Variants in NAPRT observed in about 807,000 individuals in gnomAD.
NAPRT encodes the protein nicotinate phosphoribosyltransferase.
NAPRT carries 66 observed loss-of-function variants against 60.7 expected under a neutral mutation model. The observed-to-expected ratio is 1.09, with a 90% CI of 0.89 to 1.33. The LOEUF is 1.33. NAPRT is among the 40% of genes most tolerant of loss of function. NAPRT has a pLI of 0.00. For synonymous variants in NAPRT, 405 were observed against 335.7 expected, an observed-to-expected ratio of 1.21 and a Z score of -2.26; for missense variants, 818 against 731.5, an observed-to-expected ratio of 1.12 and a Z score of -1.36.
rs1563930669 is a variant in NAPRT, at chr8:143,575,754, GGGTGGCACTGCCCTGGGTGGGGAAGGA to G, written c.1108-79_1108-53del. ...GCCCAGCTGCCCTGGGTGGGGAAGG[GGGTGGCACTGCCCTGGGTGGGGAAGGA>G]GGTGGCACTGCCCTGGGTGGGGAAG... On this transcript the variant is annotated intron_variant, in intron 8 of 12. Transcript: ENST00000449291. 1.0e-4 allele frequency: 135 copies of G among 1,295,430 alleles called. 1 individual carries two copies. The highest frequency in any genetic ancestry group is 8.9e-4 in the African/African-American group (59 of 66,064). 80.2% of individuals were successfully genotyped at this position (1,295,430 alleles called of 1,614,324 possible).
chr8:143,575,516 C>A lies in NAPRT; in HGVS notation c.1198G>T (p.Val400Leu). ...SLGGVYKLVA[V>L]GGQPRMKLTE... ...AGCTTCATTCGTGGCTGGCCCCCCA[C>A]GGCCACCAGCTGCAGGAAGAGGGCG... The change falls in exon 10 of 13, where the codon GTG becomes TTG. Residue 400 changes from valine to leucine, a missense_variant. Val to Leu is a conservative substitution (Grantham distance 32). Coordinates refer to ENST00000449291, the MANE Select transcript of NAPRT (RefSeq NM_145201.6). 3.1e-6 allele frequency: 5 copies of A among 1,598,002 alleles called. No homozygotes were observed. Among genetic ancestry groups the A allele is most frequent in the South Asian group, 1.1e-5 (1 of 90,790 alleles).
chr8:143,576,366 C>T (rs1824454437), intron 7 of NAPRT, 66 bp downstream of exon 7: 1 of 1,546,360 alleles, frequency 6.5e-7, no homozygotes. Context: ...CCTCACTGTC[C>T]TTCCCTGCCC....
At chr8:143,572,896 T>A, downstream of NAPRT, 1 of 686,040 alleles carries the variant, frequency 1.5e-6, no homozygotes, top group Non-Finnish European at 2.2e-6. Flanking sequence ...CCCTCCTGCC[T>A]GGGCTGCTGG....
In NAPRT at chr8:143,576,129, G is replaced by C; in HGVS notation, c.1056C>G (p.Ile352Met). 1 of 1,606,832 alleles carries C rather than the reference G, an allele frequency of 6.2e-7. No homozygotes were observed. The highest frequency in any genetic ancestry group is 8.5e-7 in the Non-Finnish European group (1 of 1,175,578). The change falls in exon 8 of 13, where the codon ATC (isoleucine) becomes ATG (methionine). Residue 352 changes from isoleucine to methionine, a missense_variant. Physicochemically the swap from Ile to Met is conservative, Grantham distance 10. Coordinates refer to ENST00000449291, the MANE Select transcript of NAPRT (RefSeq NM_145201.6). ...CCTCGTCAATGTTGTTGCTGACTAC[G>C]ATGAGGACTGACTCCAGCCAGGGCA... Reference protein sequence around the residue: ...FQVPWLESVLIVVSNNIDEEA... With the variant: ...FQVPWLESVLMVVSNNIDEEA...
Position 143,575,179 on chromosome 8 carries a change from T to C in NAPRT, c.1446+12A>G. On this transcript the variant is annotated intron_variant, in intron 11 of 12. Coordinates refer to ENST00000449291, the MANE Select transcript of NAPRT (RefSeq NM_145201.6). ...GGGCTGGGGGTCAGGATGAGGGCGG[T>C]GGGGCAGCCACCTGTCCCTGCTGGA... 1 of 1,601,390 alleles carries C rather than the reference T, an allele frequency of 6.2e-7. No homozygotes were observed. The highest frequency in any genetic ancestry group is 8.5e-7 in the Non-Finnish European group (1 of 1,174,500).
Position 143,578,262 on chromosome 8 carries a change from G to T in NAPRT, c.57C>A (p.Asp19Glu). Residue 19 changes from aspartate to glutamate, a missense_variant, in exon 1 of 13, where the codon GAC (aspartate) becomes GAA (glutamate). By Grantham distance (45) the Asp-to-Glu change is conservative. Coordinates refer to ENST00000449291, the MANE Select transcript of NAPRT (RefSeq NM_145201.6). ...ARAAARPLLT[D>E]LYQATMALGY... Reference sequence around the variant, plus strand: ...CCAACGCCATGGTGGCCTGGTAGAGGTCAGTGAGCAGCGGCCGCGCCGCCG... The same window carrying T: ...CCAACGCCATGGTGGCCTGGTAGAGTTCAGTGAGCAGCGGCCGCGCCGCCG... 1 of 1,444,880 alleles carries T rather than the reference G, an allele frequency of 6.9e-7. No individual in the cohort carries two copies. The highest frequency in any genetic ancestry group is 9.0e-7 in the Non-Finnish European group (1 of 1,105,354). The allele number at this position is 1,444,880 out of a possible 1,614,324, so 89.5% of individuals were successfully genotyped here.
downstream of NAPRT, chr8:143,574,764 CACAA>C (rs1325645062): frequency 4.6e-6 from 7 of 1,536,000 alleles, no homozygotes; most frequent in African/African-American, 2.7e-5. Context: ...GAACAAACGA[CACAA>C]ACAACACAGG....
chr8:143,577,713 C>T lies in NAPRT; in HGVS notation c.381G>A (p.Pro127=), dbSNP rs1169264066. The change falls in exon 3 of 13, where the codon CCG becomes CCA. Residue 127 remains proline (P), a synonymous_variant. Coordinates refer to ENST00000449291, the MANE Select transcript of NAPRT (RefSeq NM_145201.6). ...PGVPLLQVSG[P]LLVVQLLETP... ...TCTCCAGCAGCTGCACCACCAGGAG[C>T]GGCCCGGACACCTGCAGGAGCGGCA... The T allele has an allele frequency of 1.3e-6, 2 of 1,545,828 alleles. No homozygotes were observed.
At position 143,574,854 on chromosome 8, in the gene NAPRT, G is replaced by C; in HGVS notation, c.1601C>G (p.Ala534Gly). 1 of 1,550,630 alleles carries C rather than the reference G, an allele frequency of 6.4e-7. No homozygotes were observed. The change falls in exon 13 of 13, where the codon GCG becomes GGG. Residue 534 changes from alanine (A) to glycine (G), a missense_variant. By Grantham distance (60) the Ala-to-Gly change is moderately conservative. Transcript: ENST00000449291. ...CTCCGAGTCTCAGGGGGACTGCCCC[G>C]CACACAGACTGTTCACCAGGGCCTG... Reference protein sequence around the residue: ...RLQALVNSLCAGQSP With the variant: ...RLQALVNSLCGGQSP
chr8:143,574,863 C>G lies in NAPRT; in HGVS notation c.1592G>C (p.Ser531Thr). The change falls in exon 13 of 13, where the codon AGT becomes ACT. Residue 531 changes from serine (S) to threonine (T), a missense_variant. Coordinates refer to ENST00000449291, the MANE Select transcript of NAPRT (RefSeq NM_145201.6). Reference sequence around the variant, plus strand: ...TCAGGGGGACTGCCCCGCACACAGACTGTTCACCAGGGCCTGCAGCCTCTC... The same window carrying G: ...TCAGGGGGACTGCCCCGCACACAGAGTGTTCACCAGGGCCTGCAGCCTCTC... ...LSERLQALVN[S>T]LCAGQSP 1.3e-6 allele frequency: 2 copies of G among 1,550,668 alleles called. No individual in the cohort carries two copies. The highest frequency in any genetic ancestry group is 1.7e-6 in the Non-Finnish European group (2 of 1,147,006).
In NAPRT at chr8:143,577,083, G is replaced by A; in HGVS notation, c.663C>T (p.Gly221=). 1 of 1,612,980 alleles carries A rather than the reference G, an allele frequency of 6.2e-7. No homozygotes were observed. The highest frequency in any genetic ancestry group is 1.1e-5 in the South Asian group (1 of 91,086). ...LAHSFVTSFS[G]SEVPPDPMLA... Reference sequence around the variant, plus strand: ...TGACCGGGTCAGGGGGCACCTCGCTGCCTGAAAAGGAAGTGACGAAGGAGT... The same window carrying A: ...TGACCGGGTCAGGGGGCACCTCGCTACCTGAAAAGGAAGTGACGAAGGAGT... Residue 221 remains glycine (G), a synonymous_variant, in exon 5 of 13, where the codon GGC becomes GGT. Coordinates refer to ENST00000449291, the MANE Select transcript of NAPRT (RefSeq NM_145201.6).
Position 143,575,535 on chromosome 8 carries a change from G to T in NAPRT, c.1189-10C>A. On this transcript the variant is annotated splice_polypyrimidine_tract_variant and intron_variant, in intron 9 of 12. Transcript: ENST00000449291. ...CCCCCACGGCCACCAGCTGCAGGAA[G>T]AGGGCGTTGAGCTGGCTGGTCCTTA... The T allele has an allele frequency of 6.3e-7, 1 of 1,598,346 alleles. No individual in the cohort carries two copies.
chr8:143,574,544 G>A (rs972618968), downstream of NAPRT: 1 of 578,664 alleles, frequency 1.7e-6, no homozygotes, highest in African/African-American at 1.9e-5. Flanking sequence ...CCCTGCCTGT[G>A]GCTTTGTAGT....
At chr8:143,575,737 G>A in intron 8 of NAPRT, 35 bp from the exon 9 acceptor site, 1 of 1,469,074 alleles carries the variant, frequency 6.8e-7, no homozygotes, top group East Asian at 2.4e-5. Flanking sequence ...GAGCCCAGCT[G>A]CCCTGGGTGG....
At position 143,577,092 on chromosome 8, in the gene NAPRT, G is replaced by T; in HGVS notation, c.654C>A (p.Ser218=). Residue 218 remains serine (S), a synonymous_variant, in exon 5 of 13, where the codon TCC becomes TCA. Coordinates refer to ENST00000449291, the MANE Select transcript of NAPRT (RefSeq NM_145201.6). ...AGTLAHSFVT[S]FSGSEVPPDP... The stretch of plus-strand genomic sequence containing the variant: ...CAGGGGGCACCTCGCTGCCTGAAAA[G>T]GAAGTGACGAAGGAGTGGGCCAGGG... 1 of 1,613,066 alleles carries T rather than the reference G, an allele frequency of 6.2e-7. No homozygotes were observed. Among genetic ancestry groups the T allele is most frequent in the Non-Finnish European group, 8.5e-7 (1 of 1,179,954 alleles).
intron 4 of NAPRT, 41 bp downstream of exon 4, chr8:143,577,228 C>T: frequency 6.2e-7 from 1 of 1,604,796 alleles, no homozygotes; most frequent in Non-Finnish European, 8.5e-7. Flanking sequence ...GATGGGGCTC[C>T]TCCTTCCCGG....
chr8:143,576,006 A>G, intron 8 of NAPRT, 72 bp downstream of exon 8: 1 of 1,291,260 alleles, frequency 7.7e-7, no homozygotes, highest in Non-Finnish European at 1.1e-6. Flanking sequence ...GGTGGCAATG[A>G]GCCCAGCCAG....
At position 143,575,671 on chromosome 8, in the gene NAPRT, G is replaced by A; in HGVS notation, c.1139C>T (p.Thr380Ile). Residue 380 changes from threonine (T) to isoleucine (I), a missense_variant, in exon 9 of 13, where the codon ACC (threonine) becomes ATC (isoleucine). Coordinates refer to ENST00000449291, the MANE Select transcript of NAPRT (RefSeq NM_145201.6). ...GSEVNVIGIG[T>I]SVVTCPQQPS... ...CTGTTGGGGGCAGGTGACCACACTGGTGCCAATGCCAATGACATTCACCTC... is the reference window on the plus strand; with the variant it reads ...CTGTTGGGGGCAGGTGACCACACTGATGCCAATGCCAATGACATTCACCTC... The A allele has an allele frequency of 6.3e-7, 1 of 1,594,928 alleles. No homozygotes were observed. Among genetic ancestry groups the A allele is most frequent in the Non-Finnish European group, 8.5e-7 (1 of 1,171,740 alleles).
rs748575681 is a variant in NAPRT at position 143,577,354 on chromosome 8, T to C, written c.483A>G (p.Pro161=). ...GGCCCATCTCTAGCAGCCGCTTCTC[T>C]GGCCCTGCGATCAAGCGAAGCCGCG... ...NAARLRLIAG[P]EKRLLEMGLR... Residue 161 remains proline, a synonymous_variant, in exon 4 of 13, where the codon CCA becomes CCG. Coordinates refer to ENST00000449291, the MANE Select transcript of NAPRT (RefSeq NM_145201.6). 1.2e-6 allele frequency: 2 copies of C among 1,607,744 alleles called. No individual in the cohort carries two copies. The highest frequency in any genetic ancestry group is 4.5e-5 in the East Asian group (2 of 44,658).
Sources: gnomAD v4.1 joint callset for allele counts on GRCh38, gnomAD v4.1.1 for gene constraint, MANE v1.5 for transcripts, NCBI Gene and HGNC (gene_info 2026-07-23, HGNC 2026-07-21) for gene names.